The following MYB variants were observed in gnomAD, a reference collection of about 807,000 sequenced individuals.
MYB encodes transcriptional activator Myb.
In MYB, 28 loss-of-function variants were observed where a neutral mutation model predicts 92.9. The observed-to-expected ratio is 0.30, with a 90% confidence interval of 0.22 to 0.41. MYB has a LOEUF of 0.41. Ranked by LOEUF, MYB falls within the 10% of genes least tolerant of loss-of-function variation. MYB has a pLI of 1.00. For synonymous variants in MYB, 295 were observed against 329.1 expected (o/e 0.90, Z 1.12); for missense variants, 679 against 929.3 (o/e 0.73, Z 3.50).
chr6:135,195,354 C>G, intron 8 of MYB: 1 of 158,240 alleles, frequency 6.3e-6, no homozygotes, highest in Non-Finnish European at 1.3e-5. Flanking sequence ...ACTCCTGAGT[C>G]CTCTAGCTTT....
chr6:135,194,844 A>G lies in MYB; in HGVS notation c.948+384A>G. Reference sequence around the variant, plus strand: ...TTATTTTGTTAACCTATATTTTCATATTTTATAATTTCAGACATGATTTGA... The same window carrying G: ...TTATTTTGTTAACCTATATTTTCATGTTTTATAATTTCAGACATGATTTGA... On this transcript the variant is annotated intron_variant, in intron 8 of 15. Transcript: ENST00000341911. 5.6e-6 allele frequency: 6 copies of G among 1,070,942 alleles called. No homozygotes were observed. In the South Asian group the frequency reaches 1.1e-4, roughly 20 times the overall value. 66.3% of individuals were successfully genotyped at this position (1,070,942 alleles called of 1,614,324 possible).
In MYB at chr6:135,189,819, G is replaced by A; in HGVS notation, c.242G>A (p.Arg81Gln). 1.2e-6 allele frequency: 2 copies of A among 1,614,126 alleles called. No homozygotes were observed. Among genetic ancestry groups the A allele is most frequent in the Non-Finnish European group, 1.7e-6 (2 of 1,179,986 alleles). The change falls in exon 4 of 16, where the codon CGA (arginine) becomes CAA (glutamine). Residue 81 changes from arginine (R) to glutamine (Q), a missense_variant. Coordinates refer to ENST00000341911, the MANE Select transcript of MYB (RefSeq NM_001130173.2). ...CGAACAGATGTGCAGTGCCAGCACC[G>A]ATGGCAGAAAGTACTAAACCCTGAG... ...PNRTDVQCQH[R>Q]WQKVLNPELI...
chr6:135,196,455 A>G (rs1049901029), intron 9 of MYB, among the ~76,000 whole-genome samples: 6 of 152,148 alleles, frequency 3.9e-5, no homozygotes, highest in African/African-American at 1.2e-4. Context: ...GCTGAAAGCA[A>G]TCTTTTAGTG....
intron 10 of MYB, 39 bp from the exon 11 acceptor site, chr6:135,198,869 C>T (rs769515163): frequency 2.0e-6 from 3 of 1,504,966 alleles, no homozygotes; most frequent in East Asian, 2.3e-5. Context: ...AAAGAATTAC[C>T]ATCTAATCTA....
intron 1 of MYB, among the ~76,000 whole-genome samples, chr6:135,185,283 A>G (rs1353609847): frequency 6.6e-6 from 1 of 152,250 alleles, no homozygotes; most frequent in Non-Finnish European, 1.5e-5. Context: ...TTTACAAAAC[A>G]TTAAAGCTTG....
In MYB at chr6:135,218,229, A is replaced by C. The variant is rs1267812620; in HGVS notation, c.*249A>C. On this transcript the variant is annotated 3_prime_UTR_variant, in exon 16 of 16. Coordinates refer to ENST00000341911, the MANE Select transcript of MYB (RefSeq NM_001130173.2). ...GGTAATGAATTGTAGCCAGTTGTTA[A>C]TATCTTAATGCAGATTTTTTTAAAA... is the stretch of plus-strand genomic sequence containing the variant. The C allele has an allele frequency of 2.6e-6, 1 of 390,186 alleles. No individual in the cohort carries two copies. The highest frequency in any genetic ancestry group is 4.6e-6 in the Non-Finnish European group (1 of 219,314). 24.2% of individuals were successfully genotyped at this position (390,186 alleles called of 1,614,324 possible).
In MYB at chr6:135,200,189, T is replaced by C. The variant is rs765275871; in HGVS notation, c.1814T>C (p.Leu605Pro). The C allele has an allele frequency of 1.3e-5, 21 of 1,614,034 alleles. No homozygotes were observed. The highest frequency in any genetic ancestry group is 1.8e-5 in the Non-Finnish European group (21 of 1,180,006). ...LAAQEIKYGP[L>P]KMLPQTPSHL... The stretch of plus-strand genomic sequence containing the variant: ...GCTCAAGAAATTAAATACGGTCCCC[T>C]GAAGATGCTAGTAAGTTCTAGAAAA... Residue 605 changes from leucine (L) to proline (P), a missense_variant, in exon 12 of 16, where the codon CTG becomes CCG. Physicochemically the swap from Leu to Pro is moderately conservative, Grantham distance 98. This residue lies in a region of MYB where 402 missense variants were observed against 434.2 expected (regional missense o/e 0.93). Transcript: ENST00000341911.
chr6:135,184,627 A>C (rs2128282601), intron 1 of MYB, among the ~76,000 whole-genome samples: 1 of 152,286 alleles, frequency 6.6e-6, no homozygotes, highest in East Asian at 1.9e-4. Context: ...GATTTTTGGT[A>C]AGCACTTCAG....
chr6:135,210,754 A>G (rs887969294), intron 15 of MYB, among the ~76,000 whole-genome samples: 1 of 152,196 alleles, frequency 6.6e-6, no homozygotes, highest in Non-Finnish European at 1.5e-5. Flanking sequence ...CTCATCACAC[A>G]GGTTACTGTG....
At chr6:135,191,727 T>C (rs1371040555) in intron 5 of MYB, among the ~76,000 whole-genome samples, 3 of 152,234 alleles carry the variant, frequency 2.0e-5, no homozygotes, top group Admixed American at 1.3e-4. Flanking sequence ...GAAAATATAC[T>C]GGGGGTTAGG....
In MYB at chr6:135,203,219, T is replaced by C. The variant is rs1778381628; in HGVS notation, c.2064T>C (p.Asn688=). Residue 688 remains asparagine, a splice_region_variant and synonymous_variant, in exon 15 of 16, where the codon AAT becomes AAC. Transcript: ENST00000341911. ...TQTSPVADAP[N]ILTSSVLMAP... ...TCAAATTATTCTCTTCCCTTTAGAA[T>C]ATTCTTACAAGCTCCGTTTTAATGG... is the stretch of plus-strand genomic sequence containing the variant. 1.9e-6 allele frequency: 3 copies of C among 1,588,000 alleles called. No individual in the cohort carries two copies. The East Asian group carries it at 6.7e-5, about 35-fold the overall frequency.
At chr6:135,210,540 T>A (rs1338549175) in intron 15 of MYB, among the ~76,000 whole-genome samples, 1 of 152,254 alleles carries the variant, frequency 6.6e-6, no homozygotes, top group East Asian at 1.9e-4. Context: ...TTGTTATTTG[T>A]CTATGAACTT....
intron 2 of MYB, 61 bp downstream of exon 2, chr6:135,186,081 A>T (rs1051031305): frequency 1.4e-6 from 2 of 1,420,278 alleles, no homozygotes; most frequent in African/African-American, 2.9e-5. Context: ...ATAAAAAACA[A>T]AATTTCAACT....
chr6:135,212,863 TA>T, intron 15 of MYB, among the ~76,000 whole-genome samples: 1 of 152,214 alleles, frequency 6.6e-6, no homozygotes, highest in East Asian at 1.9e-4. Flanking sequence ...ACAAAGACAT[TA>T]ATCTTCCTTT....
intron 15 of MYB, among the ~76,000 whole-genome samples, chr6:135,216,711 T>A (rs1780493276): frequency 6.6e-6 from 1 of 152,226 alleles, no homozygotes; most frequent in Non-Finnish European, 1.5e-5. Context: ...CTGTTATGAC[T>A]CTTCTTTATA....
At chr6:135,210,662 T>C (rs210948) in intron 15 of MYB, among the ~76,000 whole-genome samples, 81,496 of 152,162 alleles carry the variant, frequency 0.54, 22,263 homozygotes, top group African/African-American at 0.67. Flanking sequence ...TAGACTCCAC[T>C]GTTTTCAAAC....
At chr6:135,201,582 T>C in intron 13 of MYB, 57 bp from the exon 14 acceptor site, 1 of 1,178,574 alleles carries the variant, frequency 8.5e-7, no homozygotes, top group Non-Finnish European at 1.2e-6. Context: ...TACTCCTGAC[T>C]GTACATGTTT....
At chr6:135,186,971 T>C (rs949723376) in intron 2 of MYB, among the ~76,000 whole-genome samples, 1 of 152,208 alleles carries the variant, frequency 6.6e-6, no homozygotes, top group African/African-American at 2.4e-5. Flanking sequence ...GAGAGGCCCA[T>C]AGGAAATTCA....
intron 15 of MYB, among the ~76,000 whole-genome samples, chr6:135,206,421 G>A (rs1180922559): frequency 8.6e-5 from 13 of 151,626 alleles, no homozygotes; most frequent in Admixed American, 8.5e-4. Context: ...TTTAAGGCCA[G>A]CCGTGGTGGC....
Sources: gnomAD v4.1 joint callset for allele counts (sites outside exome capture counted in the v4.1 genomes callset) on GRCh38, gnomAD v4.1.1 for gene constraint, gnomAD v4.1.1 regional missense constraint, MANE v1.5 for transcripts, NCBI Gene and HGNC (gene_info 2026-07-23, HGNC 2026-07-21) for gene names.